The following SCAPER variants were observed in gnomAD, a reference collection of about 807,000 sequenced individuals.
SCAPER encodes the protein S-phase cyclin A associated protein in the ER.
A neutral mutation model predicts 182.2 loss-of-function variants in SCAPER; 98 were observed. The observed-to-expected ratio is 0.54, with a 90% CI of 0.46 to 0.64. SCAPER has a LOEUF of 0.64. Ranked by LOEUF, SCAPER falls within the 30% of genes least tolerant of loss-of-function variation. SCAPER has a pLI of 0.00. For missense variants in SCAPER, 1,432 were observed against 1,690.0 expected (o/e 0.85, Z 2.68); for synonymous variants, 605 against 564.6 (o/e 1.07, Z -1.01).
intron 20 of SCAPER, among the ~76,000 whole-genome samples, chr15:76,696,916 CCAGT>C (rs1275489761): frequency 6.6e-6 from 1 of 152,018 alleles, no homozygotes; most frequent in Non-Finnish European, 1.5e-5. Context: ...GAAAAATGTC[CCAGT>C]CAAATTACAA....
At chr15:76,724,817 A>C (rs913336726) in intron 17 of SCAPER, among the ~76,000 whole-genome samples, 4 of 151,914 alleles carry the variant, frequency 2.6e-5, no homozygotes, top group African/African-American at 9.7e-5. Context: ...TATTCTAGTT[A>C]TCCATTCGTC....
intron 20 of SCAPER, among the ~76,000 whole-genome samples, chr15:76,676,712 T>C (rs1340842109): frequency 6.6e-6 from 1 of 151,696 alleles, no homozygotes; most frequent in African/African-American, 2.4e-5. Flanking sequence ...AAAATTTTCA[T>C]TGTATAATGT....
At chr15:76,711,995 G>A (rs998052859) in intron 17 of SCAPER, among the ~76,000 whole-genome samples, 3 of 152,246 alleles carry the variant, frequency 2.0e-5, no homozygotes, top group Middle Eastern at 3.4e-3. Context: ...TGGTGTTTTA[G>A]ACATGAAGTC....
intron 22 of SCAPER, among the ~76,000 whole-genome samples, chr15:76,576,515 C>T (rs1280787172): frequency 2.0e-5 from 3 of 152,182 alleles, no homozygotes; most frequent in African/African-American, 7.2e-5. Flanking sequence ...GAAGCCTTCA[C>T]AGATGTCCTC....
At chr15:76,811,379 A>C (rs2066608097) in intron 5 of SCAPER, among the ~76,000 whole-genome samples, 1 of 152,234 alleles carries the variant, frequency 6.6e-6, no homozygotes, top group Non-Finnish European at 1.5e-5. Flanking sequence ...CATGGAAATT[A>C]AATGAGACAC....
chr15:76,902,893 C>A (rs1176609365), intron 1 of SCAPER, among the ~76,000 whole-genome samples: 1 of 151,864 alleles, frequency 6.6e-6, no homozygotes, highest in Non-Finnish European at 1.5e-5. Context: ...CCGGTCTCTA[C>A]TAAAAATACA....
intron 29 of SCAPER, among the ~76,000 whole-genome samples, chr15:76,359,177 C>T (rs2041219869): frequency 6.6e-6 from 1 of 152,200 alleles, no homozygotes; most frequent in South Asian, 2.1e-4. Flanking sequence ...TGTGAGGCTT[C>T]CTAAATGCTT....
intron 5 of SCAPER, among the ~76,000 whole-genome samples, chr15:76,836,551 T>C (rs1237556169): frequency 6.6e-6 from 1 of 152,086 alleles, no homozygotes; most frequent in Non-Finnish European, 1.5e-5. Flanking sequence ...TTTCACCATA[T>C]ATAAAAATCA....
At chr15:76,655,944 AAAC>A (rs1032848025) in intron 21 of SCAPER, among the ~76,000 whole-genome samples, 2 of 152,182 alleles carry the variant, frequency 1.3e-5, no homozygotes, top group African/African-American at 4.8e-5. Context: ...CCACAAAAAC[AAAC>A]AAACAAAGAC....
Position 76,354,070 on chromosome 15 carries a change from C to A in SCAPER, c.3926G>T (p.Ser1309Ile), listed in dbSNP as rs571838126. The change falls in exon 30 of 32, where the codon AGT becomes ATT. Residue 1309 changes from serine to isoleucine, a missense_variant. This residue lies in a region of SCAPER where 718 missense variants were observed against 799.7 expected (regional missense o/e 0.90). Transcript: ENST00000563290. The surrounding 1 kb of genome is among the most constrained non-coding windows in gnomAD (Gnocchi z 4.4). ...CAGTACTTTGATCAGCCGTGGGTCACTGAAATACTGGAAGGGCAACTGGCA... is the reference window on the plus strand; with the variant it reads ...CAGTACTTTGATCAGCCGTGGGTCAATGAAATACTGGAAGGGCAACTGGCA... ...KLCQLPFQYFSDPRLIKVLFP... is the reference protein window; with the variant it reads ...KLCQLPFQYFIDPRLIKVLFP... The A allele has an allele frequency of 4.8e-5, 78 of 1,610,878 alleles. No homozygotes were observed. Among genetic ancestry groups the A allele is most frequent in the Non-Finnish European group, 6.4e-5 (76 of 1,178,992 alleles).
chr15:76,621,723 A>G, intron 22 of SCAPER, 41 bp downstream of exon 22: 2 of 1,492,806 alleles, frequency 1.3e-6, no homozygotes, highest in Non-Finnish European at 1.8e-6. Flanking sequence ...TGTTACAGGC[A>G]TAGACTGAAG....
At chr15:76,567,240 GT>G (rs1430691287) in intron 23 of SCAPER, 1 of 389,410 alleles carries the variant, frequency 2.6e-6, no homozygotes, top group African/African-American at 2.1e-5. Context: ...TCATTTTTAT[GT>G]TGAATAATAG....
intron 20 of SCAPER, among the ~76,000 whole-genome samples, chr15:76,677,341 T>A (rs1334084408): frequency 1.3e-5 from 2 of 152,070 alleles, no homozygotes; most frequent in Admixed American, 6.5e-5. Flanking sequence ...ATTTTAGGTA[T>A]AGAAAAGCAG....
chr15:76,819,606 C>A (rs960029956), intron 5 of SCAPER, among the ~76,000 whole-genome samples: 2 of 152,100 alleles, frequency 1.3e-5, no homozygotes, highest in African/African-American at 4.8e-5. Context: ...CATCAAAGAC[C>A]AAAGGTAGAT....
chr15:76,900,546 G>A (rs1380553671), intron 1 of SCAPER, among the ~76,000 whole-genome samples: 3 of 152,094 alleles, frequency 2.0e-5, no homozygotes, highest in Admixed American at 6.6e-5. Flanking sequence ...ACTAGGTCTG[G>A]TTGAGCACAA....
intron 10 of SCAPER, among the ~76,000 whole-genome samples, chr15:76,767,345 T>A (rs2063178655): frequency 6.6e-6 from 1 of 152,154 alleles, no homozygotes. Flanking sequence ...GACAGCTACG[T>A]ATGAGAAACT....
intron 23 of SCAPER, among the ~76,000 whole-genome samples, chr15:76,556,571 A>G (rs981745832): frequency 6.6e-6 from 1 of 152,234 alleles, no homozygotes; most frequent in Non-Finnish European, 1.5e-5. Context: ...AGATGTACAA[A>G]AAACCCTCAG....
At chr15:76,580,789 GAAGAA>G (rs756538227) in intron 22 of SCAPER, among the ~76,000 whole-genome samples, 5 of 151,892 alleles carry the variant, frequency 3.3e-5, no homozygotes, top group African/African-American at 9.7e-5. Flanking sequence ...CCCCAAATTA[GAAGAA>G]AAGAAATTAT....
chr15:76,382,889 T>C (rs1383656050), intron 27 of SCAPER, among the ~76,000 whole-genome samples: 1 of 152,132 alleles, frequency 6.6e-6, no homozygotes, highest in Non-Finnish European at 1.5e-5. Flanking sequence ...AGGTATCTTA[T>C]TGCTCTTTCT....
Sources: allele counts gnomAD v4.1 joint callset (sites outside exome capture counted in the v4.1 genomes callset), GRCh38; gene constraint gnomAD v4.1.1; regional missense constraint gnomAD v4.1.1; non-coding constraint Gnocchi (gnomAD v3.1); transcripts MANE v1.5; gene names NCBI Gene and HGNC (gene_info 2026-07-23, HGNC 2026-07-21).